STAG1: variants seen among roughly 807,000 people sequenced by gnomAD.
The protein encoded by STAG1 is cohesin subunit SA-1.
STAG1 carries 26 observed loss-of-function variants against 170.9 expected under a neutral mutation model. The observed-to-expected ratio is 0.15, with a 90% CI of 0.11 to 0.21. The LOEUF (loss-of-function observed/expected upper bound fraction) is 0.21, where lower values mean the gene tolerates loss of function less well. Among genes scored for constraint, STAG1 ranks in the 10% least tolerant of loss-of-function variants. The pLI, the probability that STAG1 is intolerant of heterozygous loss-of-function variation, is 1.00. For synonymous variants in STAG1, 514 were observed against 497.7 expected, an observed-to-expected ratio of 1.03 and a Z score of -0.44; for missense variants, 964 against 1,509.5, an observed-to-expected ratio of 0.64 and a Z score of 5.99.
intron 1 of STAG1, among the ~76,000 whole-genome samples, chr3:136,699,186 C>A (rs1276894031): frequency 1.3e-5 from 2 of 151,888 alleles, no homozygotes; most frequent in Non-Finnish European, 2.9e-5. Flanking sequence ...ATCCATGTAA[C>A]GAAAAATCAC....
chr3:136,495,310 G>C (rs765229414), intron 9 of STAG1, among the ~76,000 whole-genome samples: 1 of 152,028 alleles, frequency 6.6e-6, no homozygotes, highest in Non-Finnish European at 1.5e-5. Context: ...AATTTTAAAG[G>C]TTCATATGCC....
Position 136,584,304 on chromosome 3 carries a change from C to A in STAG1, c.298-15443G>T, listed in dbSNP as rs139356434. Among the ~76,000 whole-genome samples the A allele has an allele frequency of 6.4e-3, 981 of 152,308 alleles. 12 individuals carry two copies. The highest frequency in any genetic ancestry group is 0.022 in the African/African-American group (932 of 41,554). The stretch of plus-strand genomic sequence containing the variant: ...CTATACATTCAACCAGTTCACAAAA[C>A]CTCCTTGGCCCTTATCTAAAACTGG... On this transcript the variant is annotated intron_variant, in intron 4 of 33. Coordinates refer to ENST00000383202, the MANE Select transcript of STAG1 (RefSeq NM_005862.3).
At chr3:136,720,765 G>T (rs1052031600) in intron 1 of STAG1, among the ~76,000 whole-genome samples, 10 of 151,846 alleles carry the variant, frequency 6.6e-5, no homozygotes, top group Non-Finnish European at 1.2e-4. Flanking sequence ...CTCCAGTCTG[G>T]GTGACAGAGC....
chr3:136,451,754 C>A (rs1216147318), intron 14 of STAG1, among the ~76,000 whole-genome samples: 1 of 151,278 alleles, frequency 6.6e-6, no homozygotes, highest in Non-Finnish European at 1.5e-5. Flanking sequence ...CAGAGTGAGA[C>A]CCTGTCTCAA....
intron 1 of STAG1, among the ~76,000 whole-genome samples, chr3:136,648,811 T>C (rs2107853590): frequency 6.6e-6 from 1 of 152,344 alleles, no homozygotes; most frequent in South Asian, 2.1e-4. Context: ...ACGCCCCTGC[T>C]GTCCTGTTGA....
intron 15 of STAG1, among the ~76,000 whole-genome samples, chr3:136,434,825 C>A (rs183634757): frequency 1.0e-3 from 153 of 152,152 alleles, no homozygotes; most frequent in Admixed American, 4.1e-3. Context: ...GCTCTTCCTT[C>A]CTTTCACTTT....
At chr3:136,469,482 A>AGAC (rs1372575988) in intron 12 of STAG1, among the ~76,000 whole-genome samples, 3 of 152,244 alleles carry the variant, frequency 2.0e-5, no homozygotes, top group Non-Finnish European at 4.4e-5. Flanking sequence ...ATGAAATAAA[A>AGAC]GACGACACAA....
At chr3:136,471,230 T>C (rs970884014) in intron 12 of STAG1, among the ~76,000 whole-genome samples, 3 of 152,144 alleles carry the variant, frequency 2.0e-5, no homozygotes, top group Non-Finnish European at 4.4e-5. Flanking sequence ...AATACTTCTC[T>C]TTAAAAAAGA....
At chr3:136,596,803 G>A (rs559099018) in intron 4 of STAG1, among the ~76,000 whole-genome samples, 2 of 152,212 alleles carry the variant, frequency 1.3e-5, no homozygotes, top group Admixed American at 1.3e-4. Flanking sequence ...CCAGGCATGG[G>A]GGCTCACATC....
chr3:136,715,161 G>T (rs1362540685), intron 1 of STAG1, among the ~76,000 whole-genome samples: 1 of 119,502 alleles, frequency 8.4e-6, no homozygotes, highest in African/African-American at 3.9e-5. Flanking sequence ...GTGTATGTGG[G>T]GTTTTTTAAC....
Position 136,482,039 on chromosome 3 carries a change from C to G in STAG1, c.903-4627G>C, listed in dbSNP as rs1000859272. 5.0e-5 allele frequency among the ~76,000 whole-genome samples: 2 copies of G among 40,260 alleles called. 1 individual carries two copies. The highest frequency in any genetic ancestry group is 1.6e-4 in the African/African-American group (2 of 12,456). The allele number at this position is 40,260 out of a possible 152,430, so 26.4% of individuals were successfully genotyped here. A position where few individuals can be genotyped will look rare whatever the true frequency, so the allele number is the denominator to read the frequency against. On this transcript the variant is annotated intron_variant, in intron 9 of 33. Transcript: ENST00000383202. ...CTTTCAAAAAACCAGCTCCTGGATT[C>G]ATTGATTTTTTGAAGGGTTTTTTGT... is the stretch of plus-strand genomic sequence containing the variant.
At chr3:136,550,279 T>C (rs1331569948) in intron 5 of STAG1, among the ~76,000 whole-genome samples, 1 of 151,918 alleles carries the variant, frequency 6.6e-6, no homozygotes, top group Non-Finnish European at 1.5e-5. Context: ...TTTGTTCTCC[T>C]AATCCGCCCA....
intron 13 of STAG1, among the ~76,000 whole-genome samples, chr3:136,454,930 C>T (rs191860839): frequency 3.3e-5 from 5 of 152,118 alleles, no homozygotes; most frequent in African/African-American, 4.8e-5. Flanking sequence ...TGGGGATACA[C>T]CATAGCTTAT....
intron 30 of STAG1, among the ~76,000 whole-genome samples, chr3:136,343,268 G>A (rs897638137): frequency 1.3e-5 from 2 of 152,128 alleles, no homozygotes; most frequent in African/African-American, 4.8e-5. Context: ...AATTTTCAGA[G>A]GTCTGTGTAC....
At chr3:136,542,262 G>C (rs1935946643) in intron 5 of STAG1, 67 bp from the exon 6 acceptor site, 1 of 1,130,662 alleles carries the variant, frequency 8.8e-7, no homozygotes, top group Admixed American at 1.9e-5. Flanking sequence ...ACTCTCTCAA[G>C]CATTAACAAG....
chr3:136,736,850 C>G, intron 1 of STAG1: 1 of 1,583,344 alleles, frequency 6.3e-7, no homozygotes, highest in South Asian at 1.1e-5. Context: ...CGCTCTTTCA[C>G]AGTGTGGTCA....
At chr3:136,613,941 G>A (rs367629097) in intron 3 of STAG1, among the ~76,000 whole-genome samples, 7 of 152,120 alleles carry the variant, frequency 4.6e-5, no homozygotes, top group East Asian at 3.9e-4. Context: ...CTGGCTGGGC[G>A]TCGTGGCTCA....
chr3:136,626,357 C>T (rs777276111), intron 2 of STAG1, among the ~76,000 whole-genome samples: 5 of 147,188 alleles, frequency 3.4e-5, no homozygotes, highest in Non-Finnish European at 7.4e-5. Context: ...ACCCACGAGG[C>T]GTAGGTTGGC....
chr3:136,721,434 C>T (rs967785968), intron 1 of STAG1: 3 of 152,052 alleles, frequency 2.0e-5, no homozygotes, highest in African/African-American at 7.2e-5. Flanking sequence ...TTTCTTAGTA[C>T]AGAGGCCATG....
Sources: gnomAD v4.1 joint callset for allele counts (sites outside exome capture counted in the v4.1 genomes callset) on GRCh38, gnomAD v4.1.1 for gene constraint, MANE v1.5 for transcripts, NCBI Gene and HGNC (gene_info 2026-07-23, HGNC 2026-07-21) for gene names.